F13A1: variants seen among roughly 807,000 people sequenced by gnomAD.
F13A1 encodes coagulation factor XIII A chain, also known as FSF, A subunit.
F13A1 carries 47 observed loss-of-function variants against 80.1 expected under a neutral mutation model. The observed-to-expected ratio is 0.59, with a 90% CI of 0.46 to 0.75. The LOEUF (loss-of-function observed/expected upper bound fraction) is 0.75, where lower values mean the gene tolerates loss of function less well. F13A1 is among the 30% of genes least tolerant of loss of function. The pLI is 0.00. For synonymous variants in F13A1, 349 were observed against 344.9 expected (o/e 1.01, Z -0.13); for missense variants, 817 against 930.4 (o/e 0.88, Z 1.59).
At chr6:6,318,065 C>G (rs1583130821) in intron 2 of F13A1, among the ~76,000 whole-genome samples, 1 of 152,180 alleles carries the variant, frequency 6.6e-6, no homozygotes. Context: ...CTGTCAGAGT[C>G]TGGCACTTCT....
At chr6:6,198,196 TTTACCCTTTATTAAAAGTGCTA>T (rs1463676398) in intron 8 of F13A1, among the ~76,000 whole-genome samples, 1 of 152,188 alleles carries the variant, frequency 6.6e-6, no homozygotes, top group Non-Finnish European at 1.5e-5. Context: ...TGAATCTCTC[TTTACCCTTTATTAAAAGTGCTA>T]AGGGTCATGG....
chr6:6,316,518 A>G (rs1233376084), intron 2 of F13A1, among the ~76,000 whole-genome samples: 1 of 152,152 alleles, frequency 6.6e-6, no homozygotes, highest in Admixed American at 6.5e-5. Flanking sequence ...CCAGAAATCA[A>G]CAAAAGCAGT....
At chr6:6,225,656 T>C (rs537989406) in intron 6 of F13A1, among the ~76,000 whole-genome samples, 8 of 152,040 alleles carry the variant, frequency 5.3e-5, no homozygotes, top group Non-Finnish European at 1.2e-4. Flanking sequence ...TACAGGTGTA[T>C]GCTCGGCTAA....
At chr6:6,188,288 T>A (rs534284538) in intron 10 of F13A1, among the ~76,000 whole-genome samples, 567 of 151,334 alleles carry the variant, frequency 3.7e-3, no homozygotes, top group Non-Finnish European at 6.1e-3. Flanking sequence ...TTGCTCTTGC[T>A]TTTCTAGTTC....
In F13A1 at chr6:6,174,155, C is replaced by T. The variant is rs531997197; in HGVS notation, c.1747+425G>A. On this transcript the variant is annotated intron_variant, in intron 12 of 14. Coordinates refer to ENST00000264870, the MANE Select transcript of F13A1 (RefSeq NM_000129.4). ...CTATAATTCCAGCACTTTGGCAGGC[C>T]GAGGTGGGTGGATCACCTGAGGTCA... Among the ~76,000 whole-genome samples, 27 of 151,920 alleles carry T rather than the reference C, an allele frequency of 1.8e-4. No homozygotes were observed. In the East Asian group the frequency reaches 2.9e-3, roughly 16 times the overall value.
intron 8 of F13A1, among the ~76,000 whole-genome samples, chr6:6,199,884 A>G (rs143149222): frequency 6.6e-6 from 1 of 152,148 alleles, no homozygotes; most frequent in African/African-American, 2.4e-5. Flanking sequence ...AGCACCATGG[A>G]GAGGGAGAGA....
Position 6,250,695 on chromosome 6 carries a change from A to G in F13A1, c.690+116T>C. 3.9e-6 allele frequency: 3 copies of G among 760,758 alleles called. No individual in the cohort carries two copies. The highest frequency in any genetic ancestry group is 7.0e-6 in the Non-Finnish European group (3 of 429,514). 47.1% of individuals were successfully genotyped at this position (760,758 alleles called of 1,614,324 possible). On this transcript the variant is annotated intron_variant, in intron 5 of 14. Coordinates refer to ENST00000264870, the MANE Select transcript of F13A1 (RefSeq NM_000129.4). This position sits in a 1 kb window ranked among gnomAD's most constrained non-coding sequence, Gnocchi z 4.2. ...TCTCTGCCTTGGAGTCTCAGATCCT[A>G]AAAAGCAGGAAATTGTGCTTGTCTA...
At chr6:6,319,351 GA>G (rs1202381304) in intron 1 of F13A1, among the ~76,000 whole-genome samples, 3 of 152,294 alleles carry the variant, frequency 2.0e-5, no homozygotes, top group African/African-American at 7.2e-5. Context: ...TTTGGAAATT[GA>G]GCCACATGGA....
At chr6:6,289,634 T>C (rs1230967274) in intron 3 of F13A1, among the ~76,000 whole-genome samples, 1 of 152,094 alleles carries the variant, frequency 6.6e-6, no homozygotes, top group Non-Finnish European at 1.5e-5. Context: ...GTCCTCCAAT[T>C]TATCTTCCAC....
chr6:6,154,704 A>T (rs900402), intron 13 of F13A1, among the ~76,000 whole-genome samples: 15,702 of 152,290 alleles, frequency 0.1, 976 homozygotes, highest in East Asian at 0.24. Flanking sequence ...GTAGCAATAC[A>T]TCAGAATACT....
rs937255110 is a variant in F13A1, at chr6:6,162,929, A to C, written c.1908+4529T>G. On this transcript the variant is annotated intron_variant, in intron 13 of 14. Transcript: ENST00000264870. This position sits in a 1 kb window ranked among gnomAD's most constrained non-coding sequence, Gnocchi z 4.2. ...CTTCTCTGGTCCTCTCAGTTTTCTA[A>C]TCAGTAAAATAGGGTTATAGTAACG... is the stretch of plus-strand genomic sequence containing the variant. Among the ~76,000 whole-genome samples the C allele has an allele frequency of 6.6e-6, 1 of 152,212 alleles. No individual in the cohort carries two copies.
chr6:6,208,471 T>C (rs1160572560), intron 8 of F13A1, among the ~76,000 whole-genome samples: 2 of 152,128 alleles, frequency 1.3e-5, no homozygotes, highest in East Asian at 3.8e-4. Context: ...AGAGAGCAAG[T>C]AGCAGAAAGA....
At chr6:6,219,222 A>G (rs1216815034) in intron 8 of F13A1, among the ~76,000 whole-genome samples, 1 of 151,882 alleles carries the variant, frequency 6.6e-6, no homozygotes. Context: ...GAAATCCATC[A>G]GGCCATGTGT....
At chr6:6,248,563 A>G in intron 5 of F13A1, 144 bp from the exon 6 acceptor site, 1 of 700,756 alleles carries the variant, frequency 1.4e-6, no homozygotes, top group Non-Finnish European at 2.5e-6. Flanking sequence ...CTTTAGTATG[A>G]AATATTAAAG....
chr6:6,254,336 T>C (rs980265955), intron 4 of F13A1, among the ~76,000 whole-genome samples: 2 of 152,156 alleles, frequency 1.3e-5, no homozygotes, highest in African/African-American at 2.4e-5. Context: ...ACAAAATGTA[T>C]GTGCAACCTT....
At chr6:6,310,876 A>T (rs943786507) in intron 2 of F13A1, among the ~76,000 whole-genome samples, 4 of 152,166 alleles carry the variant, frequency 2.6e-5, no homozygotes, top group African/African-American at 9.7e-5. Flanking sequence ...GGAAGTCACA[A>T]GGTAAAGAAG....
chr6:6,317,079 T>C (rs1413426454), intron 2 of F13A1, among the ~76,000 whole-genome samples: 4 of 152,292 alleles, frequency 2.6e-5, no homozygotes, highest in Admixed American at 6.5e-5. Context: ...CTACACCCCC[T>C]TTCCGGGGGC....
At chr6:6,179,128 G>A (rs1315962387) in intron 11 of F13A1, among the ~76,000 whole-genome samples, 1 of 152,142 alleles carries the variant, frequency 6.6e-6, no homozygotes, top group East Asian at 1.9e-4. Context: ...CTGATTGGAA[G>A]GAGAAAATAG....
chr6:6,218,687 C>A (rs1035378432), intron 8 of F13A1, among the ~76,000 whole-genome samples: 1 of 152,180 alleles, frequency 6.6e-6, no homozygotes, highest in Non-Finnish European at 1.5e-5. Context: ...ACTGTAGCCC[C>A]CCTGAGGTGA....
Sources: allele counts gnomAD v4.1 joint callset (sites outside exome capture counted in the v4.1 genomes callset), GRCh38; gene constraint gnomAD v4.1.1; non-coding constraint Gnocchi (gnomAD v3.1); transcripts MANE v1.5; gene names NCBI Gene and HGNC (gene_info 2026-07-23, HGNC 2026-07-21).